The following NPLOC4 variants were observed in gnomAD, a reference collection of about 807,000 sequenced individuals.
NPLOC4 encodes nuclear protein localization protein 4 homolog.
A neutral mutation model predicts 80.6 loss-of-function variants in NPLOC4; 18 were observed. That is an observed-to-expected ratio of 0.22 (90% confidence interval 0.15 to 0.33). The LOEUF is 0.33. Ranked by LOEUF, NPLOC4 falls within the 10% of genes least tolerant of loss-of-function variation. The pLI, the probability that NPLOC4 is intolerant of heterozygous loss-of-function variation, is 1.00. For missense variants in NPLOC4, 540 were observed against 786.1 expected (o/e 0.69, Z 3.74); for synonymous variants, 313 against 301.5 (o/e 1.04, Z -0.39).
At chr17:81,600,267 C>T (rs2035028814) in intron 9 of NPLOC4, 74 bp downstream of exon 9, 1 of 1,085,986 alleles carries the variant, frequency 9.2e-7, no homozygotes, top group Non-Finnish European at 1.4e-6. Flanking sequence ...CGGCCACTCT[C>T]CCAACTCCCC....
chr17:81,633,805 A>G (rs1273039039), intron 1 of NPLOC4, among the ~76,000 whole-genome samples: 1 of 152,114 alleles, frequency 6.6e-6, no homozygotes, highest in African/African-American at 2.4e-5. Context: ...GCCGAGTTCA[A>G]GCAATTCTCT....
chr17:81,597,208 C>G, intron 10 of NPLOC4, 37 bp downstream of exon 10: 1 of 1,552,070 alleles, frequency 6.4e-7, no homozygotes, highest in Non-Finnish European at 8.9e-7. Flanking sequence ...TGTAACCAAG[C>G]CATAGGGCCA....
chr17:81,622,352 A>G, intron 2 of NPLOC4, 74 bp from the exon 3 acceptor site: 2 of 1,054,510 alleles, frequency 1.9e-6, no homozygotes, highest in Non-Finnish European at 2.9e-6. Flanking sequence ...CACACCAGAC[A>G]CTACTAGAAG....
At chr17:81,629,923 A>C in intron 1 of NPLOC4, 118 bp from the exon 2 acceptor site, 1 of 712,170 alleles carries the variant, frequency 1.4e-6, no homozygotes. Flanking sequence ...GCCAAACCTC[A>C]CTCTTCACCT....
At chr17:81,591,959 T>A (rs1024814901) in intron 11 of NPLOC4, among the ~76,000 whole-genome samples, 28 of 152,120 alleles carry the variant, frequency 1.8e-4, no homozygotes, top group Admixed American at 3.3e-4. Context: ...GTGGGGTAAG[T>A]TCTACACTGC....
chr17:81,566,601 G>A (rs1198712542), intron 15 of NPLOC4: 2 of 152,246 alleles, frequency 1.3e-5, no homozygotes, highest in Non-Finnish European at 2.9e-5. Flanking sequence ...ACCCGAGTGA[G>A]TGGTTTTGAG....
At chr17:81,602,980 TACAC>T (rs150613321) in intron 8 of NPLOC4, among the ~76,000 whole-genome samples, 8,003 of 145,000 alleles carry the variant, frequency 0.055, 323 homozygotes, top group African/African-American at 0.12. Flanking sequence ...TATACACAAA[TACAC>T]ACACACACAC....
intron 9 of NPLOC4, among the ~76,000 whole-genome samples, chr17:81,597,707 C>T (rs1387757829): frequency 4.7e-5 from 7 of 148,934 alleles, no homozygotes; most frequent in Admixed American, 6.8e-5. Flanking sequence ...CACTTGAACC[C>T]GGGAGGCAGA....
In NPLOC4 at chr17:81,608,878, G is replaced by A. The variant is rs2035272711; in HGVS notation, c.436-56C>T. On this transcript the variant is annotated intron_variant, in intron 5 of 16. Coordinates refer to ENST00000331134, the MANE Select transcript of NPLOC4 (RefSeq NM_017921.4). ...CTCACACGTGCCGGTCACTCCAGGC[G>A]CTGAGCCTCTGCTACGCACAGGGGG... 4 of 1,385,968 alleles carry A rather than the reference G, an allele frequency of 2.9e-6. No individual in the cohort carries two copies. In the South Asian group the frequency reaches 3.7e-5, roughly 13 times the overall value. The allele number at this position is 1,385,968 out of a possible 1,614,324, so 85.9% of individuals were successfully genotyped here. A position where few individuals can be genotyped will look rare whatever the true frequency, so the allele number is the denominator to read the frequency against.
At chr17:81,576,467 G>A (rs1325228220) in intron 12 of NPLOC4, among the ~76,000 whole-genome samples, 1 of 152,172 alleles carries the variant, frequency 6.6e-6, no homozygotes, top group East Asian at 1.9e-4. Flanking sequence ...TTTGGGGCGT[G>A]AGTGCATGTG....
At chr17:81,598,856 G>A (rs2034990922) in intron 9 of NPLOC4, among the ~76,000 whole-genome samples, 1 of 152,192 alleles carries the variant, frequency 6.6e-6, no homozygotes, top group Non-Finnish European at 1.5e-5. Context: ...CCCACTGGGA[G>A]ACTTTCACTG....
Position 81,616,333 on chromosome 17 carries a change from A to AAAAAAAAAAAAAGAAAC in NPLOC4, c.210-2840_210-2839insGTTTCTTTTTTTTTTTT, listed in dbSNP as rs780878214. Among the ~76,000 whole-genome samples, 32 of 115,612 alleles carry AAAAAAAAAAAAAGAAAC rather than the reference A, an allele frequency of 2.8e-4. 3 individuals carry two copies. The highest frequency in any genetic ancestry group is 6.2e-4 in the African/African-American group (18 of 29,028). The allele number at this position is 115,612 out of a possible 152,430, so 75.8% of individuals were successfully genotyped here. ...AAGACTCTGTCTCAAAAAAAAAAAA[A>AAAAAAAAAAAAAGAAAC]AAAAAGAAAAGCAAAGCTGCTAAAT... On this transcript the variant is annotated intron_variant, in intron 3 of 16. Transcript: ENST00000331134.
Position 81,635,384 on chromosome 17 carries a change from C to T in NPLOC4, c.15+1532G>A, listed in dbSNP as rs564612674. On this transcript the variant is annotated intron_variant, in intron 1 of 16. Transcript: ENST00000331134. ...AAAAAAAAAAAAAAAAAGGAGTCGACGTTTCCTAAGTTTCTCCTGGGCCAT... is the reference window on the plus strand; with the variant it reads ...AAAAAAAAAAAAAAAAAGGAGTCGATGTTTCCTAAGTTTCTCCTGGGCCAT... 2.9e-4 allele frequency among the ~76,000 whole-genome samples: 44 copies of T among 149,170 alleles called. No homozygotes were observed. The East Asian group carries it at 7.3e-3, about 25-fold the overall frequency.
intron 12 of NPLOC4, among the ~76,000 whole-genome samples, chr17:81,587,062 G>A (rs1013434801): frequency 1.3e-5 from 2 of 152,166 alleles, no homozygotes; most frequent in African/African-American, 2.4e-5. Context: ...GACGGTCCAC[G>A]GAAAACACAT....
chr17:81,626,609 G>A (rs2035802143), intron 2 of NPLOC4, among the ~76,000 whole-genome samples: 1 of 152,066 alleles, frequency 6.6e-6, no homozygotes, highest in African/African-American at 2.4e-5. Flanking sequence ...AGACAGAGTG[G>A]GGAGGATCAC....
chr17:81,636,906 C>T lies in NPLOC4; in HGVS notation c.15+10G>A. 7.1e-7 allele frequency: 1 copy of T among 1,410,202 alleles called. No homozygotes were observed. The highest frequency in any genetic ancestry group is 9.3e-7 in the Non-Finnish European group (1 of 1,077,910). The allele number at this position is 1,410,202 out of a possible 1,614,324, so 87.4% of individuals were successfully genotyped here. A position where few individuals can be genotyped will look rare whatever the true frequency, so the allele number is the denominator to read the frequency against. ...CGGCGTCCCCGCTCCCGCCCGGCCG[C>T]CGCACTCACGATGCTCTCGGCCATG... On this transcript the variant is annotated intron_variant, in intron 1 of 16. Coordinates refer to ENST00000331134, the MANE Select transcript of NPLOC4 (RefSeq NM_017921.4).
At chr17:81,571,735 T>C (rs2034165946) in intron 13 of NPLOC4, among the ~76,000 whole-genome samples, 1 of 152,222 alleles carries the variant, frequency 6.6e-6, no homozygotes, top group Non-Finnish European at 1.5e-5. Flanking sequence ...CAGTGGTCCT[T>C]TGTACTTTAG....
rs1321661193 is a variant in NPLOC4 at position 81,567,512 on chromosome 17, A to G, written c.1471T>C (p.Tyr491His). The change falls in exon 15 of 17, where the codon TAT (tyrosine) becomes CAT (histidine). Residue 491 changes from tyrosine to histidine, a missense_variant. Coordinates refer to ENST00000331134, the MANE Select transcript of NPLOC4 (RefSeq NM_017921.4). This position sits in a 1 kb window ranked among gnomAD's most constrained non-coding sequence, Gnocchi z 4.5. ...ETQDFHSLAT[Y>H]LSQNTSSVFL... ...ACAGATGAGGTATTCTGAGACAAAT[A>G]GGTGGCCAAGCTATGGAAGTCCTAG... 6.2e-7 allele frequency: 1 copy of G among 1,612,146 alleles called. No individual in the cohort carries two copies. The highest frequency in any genetic ancestry group is 1.1e-5 in the South Asian group (1 of 90,870).
intron 3 of NPLOC4, among the ~76,000 whole-genome samples, chr17:81,615,278 T>G (rs960970259): frequency 6.6e-6 from 1 of 151,846 alleles, no homozygotes; most frequent in African/African-American, 2.4e-5. Flanking sequence ...TTTTGTATTT[T>G]TAATAGAGAC....
Sources: gnomAD v4.1 joint callset for allele counts (sites outside exome capture counted in the v4.1 genomes callset) on GRCh38, gnomAD v4.1.1 for gene constraint, Gnocchi (gnomAD v3.1) non-coding constraint, MANE v1.5 for transcripts, NCBI Gene and HGNC (gene_info 2026-07-23, HGNC 2026-07-21) for gene names.